Variants in MGAT4C observed in about 807,000 individuals in gnomAD.
The protein encoded by MGAT4C is alpha-1,3-mannosyl-glycoprotein 4-beta-N-acetylglucosaminyltransferase C.
Under a neutral mutation model 40.1 loss-of-function variants are expected in MGAT4C, and 19 were observed. That is an observed-to-expected ratio of 0.47 (90% CI 0.33 to 0.70). The LOEUF is 0.70. Ranked by LOEUF, MGAT4C falls within the 30% of genes least tolerant of loss-of-function variation. MGAT4C has a pLI of 0.02. For missense variants in MGAT4C, 491 were observed against 563.2 expected, an observed-to-expected ratio of 0.87 and a Z score of 1.30; for synonymous variants, 181 against 187.1, an observed-to-expected ratio of 0.97 and a Z score of 0.27.
At chr12:86,298,697 A>G (rs888104745) in intron 4 of MGAT4C, among the ~76,000 whole-genome samples, 3 of 152,144 alleles carry the variant, frequency 2.0e-5, no homozygotes, top group African/African-American at 7.2e-5. Context: ...TTAAGTTGGA[A>G]AAAACATACT....
intron 1 of MGAT4C, among the ~76,000 whole-genome samples, chr12:86,822,784 G>A (rs1388422308): frequency 6.6e-6 from 1 of 151,070 alleles, no homozygotes; most frequent in Non-Finnish European, 1.5e-5. Context: ...ATCAGTAGAT[G>A]ACTTGAACAA....
At chr12:86,743,058 GTGTA>G (rs1565959951) in intron 1 of MGAT4C, among the ~76,000 whole-genome samples, 1 of 147,480 alleles carries the variant, frequency 6.8e-6, no homozygotes, top group Non-Finnish European at 1.5e-5. Context: ...ATGTGTGTAT[GTGTA>G]TGTGTGTATG....
chr12:86,437,832 T>C lies in MGAT4C; in HGVS notation c.-228-2567A>G, dbSNP rs752482785. Among the ~76,000 whole-genome samples, 8 of 152,030 alleles carry C rather than the reference T, an allele frequency of 5.3e-5. No individual in the cohort carries two copies. The South Asian group carries it at 6.2e-4, about 12-fold the overall frequency. ...TATGGGGCACCACACACCACAACCA[T>C]GTAAGACAGTGAAATGTTGTGCATG... On this transcript the variant is annotated intron_variant, in intron 2 of 7. Coordinates refer to the MGAT4C transcript ENST00000548651.
intron 4 of MGAT4C, among the ~76,000 whole-genome samples, chr12:86,320,213 T>A (rs570824291): frequency 6.6e-6 from 1 of 152,190 alleles, no homozygotes; most frequent in South Asian, 2.1e-4. Flanking sequence ...GAGAAAAAAA[T>A]ATTGATATCT....
At chr12:86,182,879 A>G (rs1462502436) in intron 1 of MGAT4C, among the ~76,000 whole-genome samples, 1 of 152,154 alleles carries the variant, frequency 6.6e-6, no homozygotes, top group East Asian at 1.9e-4. Context: ...TGAGTTAGGG[A>G]TACATAGATC....
chr12:86,692,540 T>C (rs1950189251), intron 2 of MGAT4C, among the ~76,000 whole-genome samples: 1 of 152,140 alleles, frequency 6.6e-6, no homozygotes. Context: ...ACAATGCTAA[T>C]AAAACCCAAG....
intron 1 of MGAT4C, among the ~76,000 whole-genome samples, chr12:86,756,922 A>G (rs549015060): frequency 2.0e-5 from 3 of 152,310 alleles, no homozygotes; most frequent in South Asian, 2.1e-4. Context: ...CAAATGTATA[A>G]CAAAATCATA....
chr12:86,518,737 A>T (rs1349632976), intron 2 of MGAT4C, among the ~76,000 whole-genome samples: 1 of 152,178 alleles, frequency 6.6e-6, no homozygotes, highest in African/African-American at 2.4e-5. Context: ...GCACACTACT[A>T]CTTCTATCAG....
chr12:86,494,585 A>C (rs1047112660), intron 2 of MGAT4C, among the ~76,000 whole-genome samples: 4 of 151,848 alleles, frequency 2.6e-5, no homozygotes, highest in African/African-American at 4.8e-5. Flanking sequence ...GCATTGTATA[A>C]ATGATGCAAG....
intron 2 of MGAT4C, among the ~76,000 whole-genome samples, chr12:86,520,811 G>T (rs908446293): frequency 2.7e-5 from 4 of 150,166 alleles, no homozygotes; most frequent in African/African-American, 1.0e-4. Context: ...ATTTAAGTTT[G>T]CATTTCTCAA....
chr12:86,758,781 C>A (rs1257228968), intron 1 of MGAT4C, among the ~76,000 whole-genome samples: 3 of 151,938 alleles, frequency 2.0e-5, no homozygotes, highest in Admixed American at 6.6e-5. Flanking sequence ...TCCACAAACA[C>A]AAATATGGAG....
chr12:86,433,145 G>C (rs1220418930), intron 3 of MGAT4C, among the ~76,000 whole-genome samples: 1 of 151,996 alleles, frequency 6.6e-6, no homozygotes, highest in Non-Finnish European at 1.5e-5. Context: ...CAGGGGGGCA[G>C]AGATGCTATA....
At chr12:86,661,518 CATAAA>C (rs1963979757) in intron 2 of MGAT4C, among the ~76,000 whole-genome samples, 1 of 151,870 alleles carries the variant, frequency 6.6e-6, no homozygotes, top group Admixed American at 6.6e-5. Context: ...GCTAGTAAAA[CATAAA>C]ATTAATTTTT....
At chr12:86,138,290 TATGACTAATGTTACA>T (rs1162643748) in intron 1 of MGAT4C, among the ~76,000 whole-genome samples, 2 of 151,456 alleles carry the variant, frequency 1.3e-5, no homozygotes, top group African/African-American at 4.8e-5. Flanking sequence ...TGCCCATACC[TATGACTAATGTTACA>T]ATCATTTTTT....
intron 4 of MGAT4C, among the ~76,000 whole-genome samples, chr12:86,314,355 G>C (rs1954149803): frequency 2.0e-5 from 3 of 152,136 alleles, no homozygotes; most frequent in Admixed American, 6.5e-5. Context: ...AAGAGATCGA[G>C]ACCATCCTAG....
chr12:85,970,585 T>C lies in MGAT4C; in HGVS notation c.*8704A>G, dbSNP rs1229056938. ...AATAACTCCATCCTGAGTATACTCA[T>C]TTCAATAAATTATTTGTCCTGAGCA... On this transcript the variant is annotated 3_prime_UTR_variant, in exon 5 of 5. Coordinates refer to ENST00000611864, the MANE Select transcript of MGAT4C (RefSeq NM_001351288.2). The C allele has an allele frequency of 6.6e-6, 1 of 151,270 alleles. No homozygotes were observed. Among genetic ancestry groups the C allele is most frequent in the Non-Finnish European group, 1.5e-5 (1 of 67,358 alleles). 9.4% of individuals were successfully genotyped at this position (151,270 alleles called of 1,614,324 possible). A position where few individuals can be genotyped will look rare whatever the true frequency, so the allele number is the denominator to read the frequency against.
At chr12:86,406,342 G>A (rs1030831146) in intron 3 of MGAT4C, among the ~76,000 whole-genome samples, 1 of 151,598 alleles carries the variant, frequency 6.6e-6, no homozygotes, top group African/African-American at 2.4e-5. Context: ...CTTGTAAACT[G>A]TATATGTAAT....
chr12:86,382,052 G>T (rs933773801), intron 3 of MGAT4C, among the ~76,000 whole-genome samples: 6 of 152,296 alleles, frequency 3.9e-5, no homozygotes, highest in Admixed American at 3.3e-4. Flanking sequence ...AAATGTGGAA[G>T]CGACTTTGGA....
chr12:86,189,567 T>G (rs1028532081), intron 1 of MGAT4C, among the ~76,000 whole-genome samples: 2 of 151,996 alleles, frequency 1.3e-5, no homozygotes, highest in Non-Finnish European at 2.9e-5. Flanking sequence ...AAGTTGAAAT[T>G]AAAGCTACTG....
Sources: allele counts gnomAD v4.1 joint callset (sites outside exome capture counted in the v4.1 genomes callset), GRCh38; gene constraint gnomAD v4.1.1; transcripts MANE v1.5; gene names NCBI Gene and HGNC (gene_info 2026-07-23, HGNC 2026-07-21).